UTRN: variants seen among roughly 807,000 people sequenced by gnomAD.
The protein encoded by UTRN is utrophin, also known as dystrophin-related protein 1.
A neutral mutation model predicts 463.9 loss-of-function variants in UTRN; 283 were observed. The ratio of observed to expected loss-of-function variants is 0.61; its 90% confidence interval spans 0.55 to 0.67. UTRN has a LOEUF of 0.67. Among genes scored for constraint, UTRN ranks in the 30% least tolerant of loss-of-function variants. The probability of loss-of-function intolerance (pLI) is 0.00; values close to 1 mark genes in which losing one functional copy is unlikely to be tolerated. For missense variants in UTRN, 3,922 were observed against 4,084.3 expected, an observed-to-expected ratio of 0.96 and a Z score of 1.08; for synonymous variants, 1,442 against 1,431.5, an observed-to-expected ratio of 1.01 and a Z score of -0.17.
rs538461361 is a variant in UTRN at position 144,746,174 on chromosome 6, C to T, written c.7940-2072C>T. Reference sequence around the variant, plus strand: ...CGCTACCATACCCAGCTAATTTTTTCGTATTTTTAATAGAGACGGGGTTTC... The same window carrying T: ...CGCTACCATACCCAGCTAATTTTTTTGTATTTTTAATAGAGACGGGGTTTC... On this transcript the variant is annotated intron_variant, in intron 54 of 74. Transcript: ENST00000367545. Among the ~76,000 whole-genome samples the T allele has an allele frequency of 1.1e-4, 17 of 151,720 alleles. No individual in the cohort carries two copies. The South Asian group carries it at 2.9e-3, about 26-fold the overall frequency.
At chr6:144,339,448 T>TGTACTC (rs1398978631) in intron 2 of UTRN, among the ~76,000 whole-genome samples, 6 of 152,162 alleles carry the variant, frequency 3.9e-5, no homozygotes, top group African/African-American at 1.4e-4. Flanking sequence ...GTTCATAGAT[T>TGTACTC]TGCATCTATG....
intron 53 of UTRN, among the ~76,000 whole-genome samples, chr6:144,702,974 G>A (rs940046861): frequency 2.0e-5 from 3 of 152,150 alleles, no homozygotes; most frequent in African/African-American, 7.2e-5. Context: ...ATAGTGCTGT[G>A]ATCTAATATT....
chr6:144,748,786 A>G (rs1791044816), intron 55 of UTRN, among the ~76,000 whole-genome samples: 1 of 152,194 alleles, frequency 6.6e-6, no homozygotes, highest in African/African-American at 2.4e-5. Flanking sequence ...TCTCTAGACA[A>G]TGTAGATTAG....
Position 144,482,285 on chromosome 6 carries a change from A to T in UTRN, c.3584A>T (p.Lys1195Met). ...GACAACATCAAGTTATTAGCTGCCA[A>T]GGTGCCCTCTGGTGGCCAGGAGTTG... ...LKDNIKLLAA[K>M]VPSGGQELTS... The change falls in exon 27 of 75, where the codon AAG becomes ATG. Residue 1195 changes from lysine to methionine, a missense_variant. By Grantham distance (95) the Lys-to-Met change is moderately conservative. Transcript: ENST00000367545. 1.2e-6 allele frequency: 2 copies of T among 1,610,070 alleles called. No homozygotes were observed. The highest frequency in any genetic ancestry group is 1.7e-6 in the Non-Finnish European group (2 of 1,179,014).
intron 71 of UTRN, 174 bp downstream of exon 71, chr6:144,836,715 A>C: frequency 1.1e-5 from 11 of 977,384 alleles, no homozygotes; most frequent in Non-Finnish European, 1.5e-5. Flanking sequence ...ATAAATCCTC[A>C]TTGGCACACA....
intron 51 of UTRN, among the ~76,000 whole-genome samples, chr6:144,619,029 G>T (rs1207309511): frequency 1.3e-5 from 2 of 152,058 alleles, no homozygotes; most frequent in East Asian, 1.9e-4. Flanking sequence ...CTTTTAAATA[G>T]AATCATTCGA....
At chr6:144,391,373 A>G (rs1355824159) in intron 2 of UTRN, among the ~76,000 whole-genome samples, 1 of 152,140 alleles carries the variant, frequency 6.6e-6, no homozygotes, top group East Asian at 1.9e-4. Flanking sequence ...CCTGGTCCCC[A>G]GTTCTTATTA....
rs1554339291 is a variant in UTRN at position 144,690,074 on chromosome 6, G to GTTTTTTT, written c.7653-9997_7653-9991dup. Among the ~76,000 whole-genome samples, 8 of 31,276 alleles carry GTTTTTTT rather than the reference G, an allele frequency of 2.6e-4. 1 individual carries two copies. The highest frequency in any genetic ancestry group is 1.1e-3 in the African/African-American group (6 of 5,680). The allele number at this position is 31,276 out of a possible 152,430, so 20.5% of individuals were successfully genotyped here. On this transcript the variant is annotated intron_variant, in intron 52 of 74. Transcript: ENST00000367545. ...GGCCATAGAGCTCCCAAAAGTTTCT[G>GTTTTTTT]TTTTTTTTTTTTTTTTTTTTTTGTG...
At chr6:144,572,794 T>A (rs1366575615) in intron 50 of UTRN, among the ~76,000 whole-genome samples, 1 of 152,234 alleles carries the variant, frequency 6.6e-6, no homozygotes. Context: ...ATCCAGTCTA[T>A]CATTGATGGG....
Position 144,575,171 on chromosome 6 carries a change from A to G in UTRN, c.7290-1928A>G, listed in dbSNP as rs1463755348. On this transcript the variant is annotated intron_variant, in intron 50 of 74. Coordinates refer to ENST00000367545, the MANE Select transcript of UTRN (RefSeq NM_007124.3). ...ATTTTCATTTGTTTATTTGTCATCT[A>G]AACATCTTCTATGGTAACGTATAGG... Among the ~76,000 whole-genome samples, 4 of 152,296 alleles carry G rather than the reference A, an allele frequency of 2.6e-5. No homozygotes were observed. In the East Asian group the frequency reaches 5.8e-4, roughly 22 times the overall value.
intron 8 of UTRN, 136 bp from the exon 9 acceptor site, chr6:144,429,445 T>G (rs1785595338): frequency 3.0e-6 from 2 of 675,854 alleles, no homozygotes; most frequent in South Asian, 7.6e-5. Flanking sequence ...GAAGTGGCAA[T>G]TTACTGGTAT....
intron 51 of UTRN, among the ~76,000 whole-genome samples, chr6:144,651,224 A>T (rs894654031): frequency 6.6e-5 from 10 of 152,050 alleles, no homozygotes; most frequent in Non-Finnish European, 1.3e-4. Context: ...ACCTCTGAAA[A>T]AGTCAATGCA....
intron 8 of UTRN, 128 bp from the exon 9 acceptor site, chr6:144,429,453 T>C: frequency 1.4e-6 from 1 of 725,554 alleles, no homozygotes; most frequent in Non-Finnish European, 2.1e-6. Context: ...AATTTACTGG[T>C]ATTGCAAAGA....
chr6:144,355,062 G>A lies in UTRN; in HGVS notation c.80-48061G>A, dbSNP rs75695590. ...CTCAGATTTTTTGTTGTAGTTCAGT[G>A]AATGAGGTAGAATTCTGGTAATTTT... On this transcript the variant is annotated intron_variant, in intron 2 of 74. Coordinates refer to ENST00000367545, the MANE Select transcript of UTRN (RefSeq NM_007124.3). Among the ~76,000 whole-genome samples, 1,247 of 152,158 alleles carry A rather than the reference G, an allele frequency of 8.2e-3. 69 individuals are homozygous for A. The East Asian group carries it at 0.16, about 20-fold the overall frequency.
At chr6:144,735,442 C>T (rs1039421189) in intron 54 of UTRN, among the ~76,000 whole-genome samples, 5 of 152,092 alleles carry the variant, frequency 3.3e-5, no homozygotes, top group East Asian at 1.9e-4. Context: ...TGTGCCTGGA[C>T]GGCAGATGGG....
At chr6:144,582,615 C>T (rs1015637565) in intron 51 of UTRN, among the ~76,000 whole-genome samples, 2 of 152,116 alleles carry the variant, frequency 1.3e-5, no homozygotes, top group African/African-American at 2.4e-5. Context: ...GGAAATGTGG[C>T]AATTTGGAAT....
At position 144,423,552 on chromosome 6, in the gene UTRN, A is replaced by G; in HGVS notation, c.238A>G (p.Lys80Glu). The change falls in exon 5 of 75, where the codon AAG becomes GAG. Residue 80 changes from lysine to glutamate, a missense_variant. Lys to Glu is a moderately conservative substitution (Grantham distance 56). This residue lies in a region of UTRN where 264 missense variants were observed against 327.9 expected (regional missense o/e 0.81). Transcript: ENST00000367545. ...GCTTTTTTGTTTTATTTTCCAGCCA[A>G]AGGAACGTGGTTCCACAAGGGTACA... is the stretch of plus-strand genomic sequence containing the variant. ...LEGLTGTSLP[K>E]ERGSTRVHAL... 1 of 1,614,194 alleles carries G rather than the reference A, an allele frequency of 6.2e-7. No homozygotes were observed. The highest frequency in any genetic ancestry group is 8.5e-7 in the Non-Finnish European group (1 of 1,180,020).
chr6:144,287,971 G>A (rs1803851923), intron 1 of UTRN, among the ~76,000 whole-genome samples: 1 of 152,200 alleles, frequency 6.6e-6, no homozygotes, highest in Non-Finnish European at 1.5e-5. Context: ...TATAGGTGTG[G>A]AAGACGGAGG....
At chr6:144,787,997 C>G (rs1395053688) in intron 61 of UTRN, among the ~76,000 whole-genome samples, 1 of 151,972 alleles carries the variant, frequency 6.6e-6, no homozygotes, top group Non-Finnish European at 1.5e-5. Context: ...TCTTCCAATC[C>G]CTAGGACTGG....
Sources: allele counts gnomAD v4.1 joint callset (sites outside exome capture counted in the v4.1 genomes callset), GRCh38; gene constraint gnomAD v4.1.1; regional missense constraint gnomAD v4.1.1; transcripts MANE v1.5; gene names NCBI Gene and HGNC (gene_info 2026-07-23, HGNC 2026-07-21).